The following DLC1 variants were observed in gnomAD, a reference collection of about 807,000 sequenced individuals.
The protein encoded by DLC1 is rho GTPase-activating protein 7.
Under a neutral mutation model 140.3 loss-of-function variants are expected in DLC1, and 54 were observed. The observed-to-expected ratio is 0.38, with a 90% CI of 0.31 to 0.48. The LOEUF (loss-of-function observed/expected upper bound fraction) is 0.48. Among genes scored for constraint, DLC1 ranks in the 20% least tolerant of loss-of-function variants. The pLI, the probability that DLC1 is intolerant of heterozygous loss-of-function variation, is 0.96. For missense variants in DLC1, 2,536 were observed against 1,907.0 expected, an observed-to-expected ratio of 1.33 and a Z score of -6.14; for synonymous variants, 986 against 728.1, an observed-to-expected ratio of 1.35 and a Z score of -5.70.
In DLC1 at chr8:13,499,426, C is replaced by T. The variant is rs556089862; in HGVS notation, c.646G>A (p.Val216Met). The T allele has an allele frequency of 9.3e-6, 15 of 1,613,734 alleles. No individual in the cohort carries two copies. In the Admixed American group the frequency reaches 1.3e-4, roughly 14 times the overall value. Residue 216 changes from valine (V) to methionine (M), a missense_variant, in exon 2 of 18, where the codon GTG becomes ATG. Coordinates refer to ENST00000276297, the MANE Select transcript of DLC1 (RefSeq NM_182643.3). Reference protein sequence around the residue: ...PKVNAVDTLNVKDIAPEKQLL... With the variant: ...PKVNAVDTLNMKDIAPEKQLL... ...TGTTTCTCAGGTGCAATATCTTTCA[C>T]GTTCAAAGTATCCACTGCATTTACT...
intron 1 of DLC1, among the ~76,000 whole-genome samples, chr8:13,598,486 A>G (rs1805755380): frequency 6.6e-6 from 1 of 152,104 alleles, no homozygotes; most frequent in South Asian, 2.1e-4. Context: ...AGTGACTGAT[A>G]AATGATTCTT....
intron 5 of DLC1, among the ~76,000 whole-genome samples, chr8:13,230,611 T>G (rs1829002798): frequency 6.6e-6 from 1 of 150,596 alleles, no homozygotes; most frequent in South Asian, 2.1e-4. Context: ...TTTTTTTTTT[T>G]TTGGAGATGG....
chr8:13,543,265 T>C (rs1216619066), intron 1 of DLC1, among the ~76,000 whole-genome samples: 1 of 152,176 alleles, frequency 6.6e-6, no homozygotes, highest in Non-Finnish European at 1.5e-5. Context: ...ATAATACAAC[T>C]TTGTAGTCTT....
At chr8:13,594,804 A>C (rs1585314332) in intron 1 of DLC1, among the ~76,000 whole-genome samples, 1 of 151,262 alleles carries the variant, frequency 6.6e-6, no homozygotes, top group South Asian at 2.1e-4. Flanking sequence ...TTTTCAAGCA[A>C]GTTAGAAGAA....
At chr8:13,447,325 T>C (rs1397491385) in intron 2 of DLC1, among the ~76,000 whole-genome samples, 1 of 152,226 alleles carries the variant, frequency 6.6e-6, no homozygotes, top group Non-Finnish European at 1.5e-5. Flanking sequence ...TCTTATATTT[T>C]CTTATTAAGG....
At chr8:13,300,663 T>G (rs954098607) in intron 5 of DLC1, among the ~76,000 whole-genome samples, 1 of 151,994 alleles carries the variant, frequency 6.6e-6, no homozygotes, top group South Asian at 2.1e-4. Flanking sequence ...AACACAGACA[T>G]GTATCCGGTC....
At chr8:13,198,423 C>A (rs1427628008) in intron 5 of DLC1, among the ~76,000 whole-genome samples, 4 of 152,108 alleles carry the variant, frequency 2.6e-5, no homozygotes, top group African/African-American at 4.8e-5. Context: ...CTCTTTGTAT[C>A]GTAGAGTCAT....
intron 5 of DLC1, among the ~76,000 whole-genome samples, chr8:13,302,163 T>C (rs551529612): frequency 6.6e-6 from 1 of 152,226 alleles, no homozygotes; most frequent in Non-Finnish European, 1.5e-5. Context: ...ATTTGATTCC[T>C]TGCCTGGGAA....
At chr8:13,264,052 T>TGCTATTTATTTA (rs145620486) in intron 5 of DLC1, among the ~76,000 whole-genome samples, 17 of 143,034 alleles carry the variant, frequency 1.2e-4, no homozygotes, top group African/African-American at 4.4e-4. Flanking sequence ...ATAAGAAGCT[T>TGCTATTTATTTA]TTTATTTATT....
intron 5 of DLC1, among the ~76,000 whole-genome samples, chr8:13,302,324 T>C (rs1393479143): frequency 6.6e-6 from 1 of 152,212 alleles, no homozygotes; most frequent in Non-Finnish European, 1.5e-5. Flanking sequence ...TAGAACCTAA[T>C]AGAATGCCTA....
At chr8:13,476,146 A>G (rs1201653947) in intron 2 of DLC1, among the ~76,000 whole-genome samples, 1 of 152,226 alleles carries the variant, frequency 6.6e-6, no homozygotes, top group Non-Finnish European at 1.5e-5. Flanking sequence ...TGCTTTAGAT[A>G]GAATAAATAA....
At chr8:13,396,860 A>G (rs1018918725) in intron 3 of DLC1, among the ~76,000 whole-genome samples, 1 of 152,086 alleles carries the variant, frequency 6.6e-6, no homozygotes, top group Non-Finnish European at 1.5e-5. Flanking sequence ...TTAATTTTCC[A>G]CTGCTACCAT....
intron 5 of DLC1, among the ~76,000 whole-genome samples, chr8:13,299,597 T>C (rs1412579961): frequency 6.6e-6 from 1 of 150,948 alleles, no homozygotes; most frequent in Non-Finnish European, 1.5e-5. Context: ...AGCAGAGAGC[T>C]ACGAGGGATT....
At chr8:13,244,465 C>A (rs1331835142) in intron 5 of DLC1, among the ~76,000 whole-genome samples, 1 of 151,772 alleles carries the variant, frequency 6.6e-6, no homozygotes, top group Non-Finnish European at 1.5e-5. Context: ...GCCTGGCTAC[C>A]TTTTTAATTG....
At chr8:13,592,559 CT>C (rs1226570293) in intron 1 of DLC1, among the ~76,000 whole-genome samples, 1 of 151,982 alleles carries the variant, frequency 6.6e-6, no homozygotes, top group Non-Finnish European at 1.5e-5. Flanking sequence ...AAAACTTTAG[CT>C]CTTTAATTAA....
chr8:13,205,907 T>C (rs1827639436), intron 5 of DLC1, among the ~76,000 whole-genome samples: 1 of 152,190 alleles, frequency 6.6e-6, no homozygotes, highest in African/African-American at 2.4e-5. Context: ...TATTGATGTT[T>C]TGACAATCTA....
At chr8:13,459,109 T>C (rs1175653704) in intron 2 of DLC1, among the ~76,000 whole-genome samples, 2 of 152,242 alleles carry the variant, frequency 1.3e-5, no homozygotes, top group Admixed American at 6.5e-5. Flanking sequence ...AGTTTGATTT[T>C]CTAAAAGCAG....
At chr8:13,259,081 G>C (rs1830375256) in intron 5 of DLC1, among the ~76,000 whole-genome samples, 1 of 139,758 alleles carries the variant, frequency 7.2e-6, no homozygotes, top group African/African-American at 2.7e-5. Context: ...AGGTTGCAGT[G>C]AGCCGAGATC....
chr8:13,212,607 T>C (rs754017265), intron 5 of DLC1, among the ~76,000 whole-genome samples: 20 of 152,136 alleles, frequency 1.3e-4, no homozygotes, highest in Non-Finnish European at 2.2e-4. Context: ...GATAGTTTAA[T>C]GTGAGAAAAT....
Sources: gnomAD v4.1 joint callset for allele counts (sites outside exome capture counted in the v4.1 genomes callset) on GRCh38, gnomAD v4.1.1 for gene constraint, MANE v1.5 for transcripts, NCBI Gene and HGNC (gene_info 2026-07-23, HGNC 2026-07-21) for gene names.